The following CAB39L variants were observed in gnomAD, a reference collection of about 807,000 sequenced individuals.
The protein encoded by CAB39L is calcium binding protein 39 like, also known as calcium-binding protein 39-like.
In CAB39L, 23 loss-of-function variants were observed where a neutral mutation model predicts 39.1. The observed-to-expected ratio is 0.59, with a 90% CI of 0.42 to 0.83. The LOEUF is 0.83. Among genes scored for constraint, CAB39L ranks in the 40% least tolerant of loss-of-function variants. The pLI is 0.00. For missense variants in CAB39L, 366 were observed against 391.9 expected (o/e 0.93, Z 0.56); for synonymous variants, 126 against 137.2 (o/e 0.92, Z 0.57).
At chr13:49,439,190 A>G (rs1320356456) in intron 1 of CAB39L, among the ~76,000 whole-genome samples, 1 of 151,828 alleles carries the variant, frequency 6.6e-6, no homozygotes, top group Non-Finnish European at 1.5e-5. Flanking sequence ...TTAATCTTTT[A>G]TTGAGTTTTG....
chr13:49,432,844 ATCTTTGCAAGATGGTC>A (rs986921489), intron 3 of CAB39L, among the ~76,000 whole-genome samples: 1 of 152,208 alleles, frequency 6.6e-6, no homozygotes, highest in African/African-American at 2.4e-5. Flanking sequence ...AGAACTGAAT[ATCTTTGCAAGATGGTC>A]TCTGACCAGG....
Position 49,341,668 on chromosome 13 carries a change from G to A in CAB39L, c.625-1926C>T, listed in dbSNP as rs113166366. Reference sequence around the variant, plus strand: ...AAGAAATAAGTTCTAGTATTCAACAGCACAGTAGGGTGACTATAGTTAATA... The same window carrying A: ...AAGAAATAAGTTCTAGTATTCAACAACACAGTAGGGTGACTATAGTTAATA... On this transcript the variant is annotated intron_variant, in intron 8 of 10. Transcript: ENST00000409308. 3.0e-3 allele frequency among the ~76,000 whole-genome samples: 451 copies of A among 152,246 alleles called. 1 individual carries two copies. The highest frequency in any genetic ancestry group is 0.01 in the Middle Eastern group (3 of 294).
intron 3 of CAB39L, among the ~76,000 whole-genome samples, chr13:49,397,995 A>T (rs191502376): frequency 6.1e-4 from 93 of 152,250 alleles, no homozygotes; most frequent in African/African-American, 2.0e-3. Flanking sequence ...AAATAGTGTG[A>T]AATACAACTA....
chr13:49,355,806 G>A (rs1955469092), intron 6 of CAB39L, among the ~76,000 whole-genome samples: 1 of 151,746 alleles, frequency 6.6e-6, no homozygotes, highest in African/African-American at 2.4e-5. Flanking sequence ...TATAAAGGCA[G>A]GGGGAGGGAG....
intron 5 of CAB39L, among the ~76,000 whole-genome samples, chr13:49,365,823 A>G (rs569350578): frequency 1.3e-5 from 2 of 151,778 alleles, no homozygotes; most frequent in East Asian, 3.9e-4. Context: ...GGAAATCAGT[A>G]TATCAAAGAG....
rs116612272 is a variant in CAB39L, at chr13:49,367,502, G to A, written c.277-7670C>T. On this transcript the variant is annotated intron_variant, in intron 5 of 10. Transcript: ENST00000409308. The stretch of plus-strand genomic sequence containing the variant: ...TGCAGCTAACCATAACAGCAATTGC[G>A]CTCTTGGCATCTATCACAGAGAAAT... Among the ~76,000 whole-genome samples, 668 of 152,270 alleles carry A rather than the reference G, an allele frequency of 4.4e-3. 6 individuals are homozygous for A. The highest frequency in any genetic ancestry group is 0.015 in the African/African-American group (636 of 41,536).
rs200573889 is a variant in CAB39L at position 49,377,024 on chromosome 13, G to C, written c.219C>G (p.Leu73=). Residue 73 remains leucine (L), a synonymous_variant, in exon 5 of 11, where the codon CTC becomes CTG. Coordinates refer to ENST00000409308, the MANE Select transcript of CAB39L (RefSeq NM_001079670.3). The stretch of plus-strand genomic sequence containing the variant: ...GTGTCACTAGCAGGCCACTGCTGTA[G>C]AGTTCTTGTGCTAGCTGAGCCACTG... ...TEAVAQLAQE[L]YSSGLLVTLI... The C allele has an allele frequency of 6.8e-6, 11 of 1,613,906 alleles. No homozygotes were observed. The African/African-American group carries it at 1.5e-4, about 22-fold the overall frequency.
At chr13:49,372,834 C>T (rs1262774432) in intron 5 of CAB39L, among the ~76,000 whole-genome samples, 2 of 152,072 alleles carry the variant, frequency 1.3e-5, no homozygotes, top group African/African-American at 4.8e-5. Context: ...GCCACCACGC[C>T]CGGCTAATTT....
intron 1 of CAB39L, among the ~76,000 whole-genome samples, chr13:49,436,556 T>C (rs1382294176): frequency 1.7e-4 from 2 of 11,554 alleles, no homozygotes; most frequent in African/African-American, 2.2e-3. Flanking sequence ...TTTATGACTT[T>C]TTTTTTTTTT....
intron 9 of CAB39L, among the ~76,000 whole-genome samples, chr13:49,339,187 T>C (rs1364586314): frequency 6.7e-6 from 1 of 148,332 alleles, no homozygotes; most frequent in Non-Finnish European, 1.5e-5. Context: ...CTGGAGTACA[T>C]TGGCACGATC....
chr13:49,408,971 T>C (rs1002258835), intron 3 of CAB39L, among the ~76,000 whole-genome samples: 8 of 152,194 alleles, frequency 5.3e-5, no homozygotes, highest in African/African-American at 1.9e-4. Flanking sequence ...CCTAACCCTG[T>C]AGTCTAATTT....
chr13:49,327,989 T>C (rs1954551416), intron 10 of CAB39L, among the ~76,000 whole-genome samples: 1 of 152,188 alleles, frequency 6.6e-6, no homozygotes, highest in South Asian at 2.1e-4. Context: ...CAACAAAACA[T>C]GGTTATTCGA....
At chr13:49,315,912 AAAG>A (rs1428656833) in intron 10 of CAB39L, among the ~76,000 whole-genome samples, 1 of 151,704 alleles carries the variant, frequency 6.6e-6, no homozygotes, top group Non-Finnish European at 1.5e-5. Flanking sequence ...AAAGAAAAGA[AAAG>A]AAAGATCTCA....
intron 4 of CAB39L, among the ~76,000 whole-genome samples, chr13:49,379,787 T>G (rs1956214040): frequency 6.6e-6 from 1 of 151,734 alleles, no homozygotes; most frequent in Admixed American, 6.6e-5. Flanking sequence ...ATTATAAAAT[T>G]TATTTATATA....
rs1594115573 is a variant in CAB39L, at chr13:49,443,988, G to A, written c.-248C>T. 2.2e-6 allele frequency: 1 copy of A among 456,762 alleles called. No homozygotes were observed. The highest frequency in any genetic ancestry group is 4.4e-6 in the Non-Finnish European group (1 of 226,982). 28.3% of individuals were successfully genotyped at this position (456,762 alleles called of 1,614,324 possible). On this transcript the variant is annotated splice_region_variant and 5_prime_UTR_variant, in exon 1 of 11. Transcript: ENST00000409308. ...CAAGATGGCAGCCTCACACCTACCG[G>A]AGGAAACAGCTGCGCCACCACTCCA...
intron 3 of CAB39L, among the ~76,000 whole-genome samples, chr13:49,404,092 C>T (rs9526555): frequency 6.6e-6 from 1 of 151,918 alleles, no homozygotes; most frequent in Admixed American, 6.6e-5. Flanking sequence ...GCTGGCTTCA[C>T]GTGTGACCCA....
chr13:49,435,392 AGTGCCTATTTC>A (rs1254912054), intron 1 of CAB39L, among the ~76,000 whole-genome samples: 1 of 152,230 alleles, frequency 6.6e-6, no homozygotes, highest in Non-Finnish European at 1.5e-5. Context: ...AATGTATCAA[AGTGCCTATTTC>A]CCCACAGTCT....
At chr13:49,389,710 G>A (rs1283600848) in intron 3 of CAB39L, among the ~76,000 whole-genome samples, 1 of 152,118 alleles carries the variant, frequency 6.6e-6, no homozygotes, top group African/African-American at 2.4e-5. Flanking sequence ...ATCTTCATTC[G>A]ATATAGCCAA....
intron 1 of CAB39L, among the ~76,000 whole-genome samples, chr13:49,435,185 G>A (rs550512969): frequency 1.8e-4 from 27 of 152,214 alleles, no homozygotes; most frequent in Admixed American, 4.6e-4. Flanking sequence ...ATGGAAAGAC[G>A]GTGACTTGGA....
Sources: gnomAD v4.1 joint callset for allele counts (sites outside exome capture counted in the v4.1 genomes callset) on GRCh38, gnomAD v4.1.1 for gene constraint, MANE v1.5 for transcripts, NCBI Gene and HGNC (gene_info 2026-07-23, HGNC 2026-07-21) for gene names.